CILP2: variants seen among roughly 807,000 people sequenced by gnomAD.
CILP2 encodes the protein cartilage intermediate layer protein 2.
CILP2 carries 38 observed loss-of-function variants against 45.6 expected under a neutral mutation model. The ratio of observed to expected loss-of-function variants is 0.83; its 90% CI spans 0.64 to 1.09. CILP2 has a LOEUF of 1.09. Ranked by LOEUF, CILP2 falls within the 50% of genes least tolerant of loss-of-function variation. CILP2 has a pLI of 0.00. For missense variants in CILP2, 1,735 were observed against 1,662.2 expected (o/e 1.04, Z -0.76); for synonymous variants, 780 against 723.5 (o/e 1.08, Z -1.25).
In CILP2 at chr19:19,540,429, G is replaced by T. The variant is rs774402520; in HGVS notation, c.389G>T (p.Arg130Leu). 1.3e-5 allele frequency: 19 copies of T among 1,482,616 alleles called. No homozygotes were observed. In the South Asian group the frequency reaches 2.4e-4, roughly 18 times the overall value. 91.8% of individuals were successfully genotyped at this position (1,482,616 alleles called of 1,614,324 possible). ...GFWCLNREQP[R>L]GRRCSNYHVR... Reference sequence around the variant, plus strand: ...TGGTGCCTCAACCGCGAGCAACCGCGTGGCCGCCGCTGCTCCAACTACCAC... The same window carrying T: ...TGGTGCCTCAACCGCGAGCAACCGCTTGGCCGCCGCTGCTCCAACTACCAC... The change falls in exon 3 of 8, where the codon CGT (arginine) becomes CTT (leucine). Residue 130 changes from arginine to leucine, a missense_variant. Physicochemically the swap from Arg to Leu is moderately radical, Grantham distance 102. Transcript: ENST00000291495.
rs1425994008 is a variant in CILP2 at position 19,541,233 on chromosome 19, G to A, written c.579G>A (p.Arg193=). Residue 193 remains arginine (R), a synonymous_variant, in exon 4 of 8, where the codon CGG becomes CGA. Transcript: ENST00000291495. ...CTCTGGAGGCGCAGAAGTGCGTGCG[G>A]CCTCGGTGTCCAGGTAGGAGGGGCG... The part of the protein sequence containing the change: ...GRPLEAQKCV[R]PRCPGCSLDT... The A allele has an allele frequency of 1.6e-6, 2 of 1,286,636 alleles. No homozygotes were observed. The highest frequency in any genetic ancestry group is 2.0e-6 in the Non-Finnish European group (2 of 1,015,604). 79.7% of individuals were successfully genotyped at this position (1,286,636 alleles called of 1,614,324 possible). A position where few individuals can be genotyped will look rare whatever the true frequency, so the allele number is the denominator to read the frequency against.
In CILP2 at chr19:19,543,267, C is replaced by A; in HGVS notation, c.997C>A (p.Leu333Met). 1 of 1,613,508 alleles carries A rather than the reference C, an allele frequency of 6.2e-7. No individual in the cohort carries two copies. Among genetic ancestry groups the A allele is most frequent in the South Asian group, 1.1e-5 (1 of 91,062 alleles). The change falls in exon 7 of 8, where the codon CTG becomes ATG. Residue 333 changes from leucine (L) to methionine (M), a missense_variant. Transcript: ENST00000291495. ...ATCCAGGTTCCACAATGGGACCCTG[C>A]TGGACAGGCGAGCTCATGGGTACGG... Reference protein sequence around the residue: ...KYSWFHNGTLLDRRAHGYGAH... With the variant: ...KYSWFHNGTLMDRRAHGYGAH...
At position 19,538,301 on chromosome 19, in the gene CILP2, C is replaced by G. The variant is rs1438661095; in HGVS notation, c.-49C>G. 1.3e-6 allele frequency: 2 copies of G among 1,526,144 alleles called. No individual in the cohort carries two copies. The highest frequency in any genetic ancestry group is 1.8e-6 in the Non-Finnish European group (2 of 1,138,590). The allele number at this position is 1,526,144 out of a possible 1,614,324, so 94.5% of individuals were successfully genotyped here. On this transcript the variant is annotated 5_prime_UTR_variant, in exon 1 of 8. Transcript: ENST00000291495. ...CCGCCAGACCCGCCGGAGTTGGACC[C>G]GAGCACGCCGCGGAGCCCGGACCCT...
Position 19,545,694 on chromosome 19 carries a change from C to G in CILP2, c.3149C>G (p.Ala1050Gly). Residue 1050 changes from alanine (A) to glycine (G), a missense_variant, in exon 8 of 8, where the codon GCC becomes GGC. By Grantham distance (60) the Ala-to-Gly change is moderately conservative. Coordinates refer to ENST00000291495, the MANE Select transcript of CILP2 (RefSeq NM_153221.2). ...AEDPAAFSML[A>G]PLDPLGHNYG... ...GACCCAGCTGCCTTCTCCATGCTGG[C>G]CCCCCTAGACCCTCTGGGCCACAAC... 2 of 1,611,844 alleles carry G rather than the reference C, an allele frequency of 1.2e-6. No individual in the cohort carries two copies. The highest frequency in any genetic ancestry group is 1.7e-6 in the Non-Finnish European group (2 of 1,179,174).
In CILP2 at chr19:19,540,336, G is replaced by T. The variant is rs1374359916; in HGVS notation, c.296G>T (p.Arg99Leu). 3.2e-6 allele frequency: 5 copies of T among 1,568,380 alleles called. No homozygotes were observed. Among genetic ancestry groups the T allele is most frequent in the Non-Finnish European group, 2.6e-6 (3 of 1,162,510 alleles). Residue 99 changes from arginine (R) to leucine (L), a missense_variant, in exon 3 of 8, where the codon CGC (arginine) becomes CTC (leucine). Arg to Leu is a moderately radical substitution (Grantham distance 102). Coordinates refer to ENST00000291495, the MANE Select transcript of CILP2 (RefSeq NM_153221.2). The stretch of plus-strand genomic sequence containing the variant: ...CCGCGACCGCTGGCGCTGGAAGCGC[G>T]CACCACGGACTGGGCCCTGCCGTCC... The part of the protein sequence containing the change: ...VCPRPLALEA[R>L]TTDWALPSAV...
At position 19,545,520 on chromosome 19, in the gene CILP2, A is replaced by G; in HGVS notation, c.2975A>G (p.Glu992Gly). 6.2e-7 allele frequency: 1 copy of G among 1,612,638 alleles called. No homozygotes were observed. The highest frequency in any genetic ancestry group is 1.6e-4 in the Middle Eastern group (1 of 6,062). ...CCGGGCACCTCGGCAGCCTGCGTGG[A>G]GTTCAAGTGCAGCGGGATGCTGTTC... Reference protein sequence around the residue: ...ERPGTSAACVEFKCSGMLFDQ... With the variant: ...ERPGTSAACVGFKCSGMLFDQ... The change falls in exon 8 of 8, where the codon GAG (glutamate) becomes GGG (glycine). Residue 992 changes from glutamate (E) to glycine (G), a missense_variant. Coordinates refer to ENST00000291495, the MANE Select transcript of CILP2 (RefSeq NM_153221.2).
intron 1 of CILP2, among the ~76,000 whole-genome samples, 154 bp from the exon 2 acceptor site, chr19:19,539,525 C>T (rs532900467): frequency 2.1e-5 from 3 of 144,918 alleles, no homozygotes; most frequent in Non-Finnish European, 4.5e-5. Flanking sequence ...GATCGTGCCA[C>T]TGCACTCCAG....
In CILP2 at chr19:19,544,328, G is replaced by T. The variant is rs147931006; in HGVS notation, c.1783G>T (p.Asp595Tyr). The T allele has an allele frequency of 6.2e-7, 1 of 1,612,236 alleles. No individual in the cohort carries two copies. The highest frequency in any genetic ancestry group is 8.5e-7 in the Non-Finnish European group (1 of 1,179,926). ...VLPSGAFRRA[D>Y]GKPYSGPVEA... is the part of the protein sequence containing the mutation. Reference sequence around the variant, plus strand: ...GCCTTCTGGCGCTTTCCGCAGAGCCGACGGCAAACCCTACTCGGGGCCTGT... The same window carrying T: ...GCCTTCTGGCGCTTTCCGCAGAGCCTACGGCAAACCCTACTCGGGGCCTGT... The change falls in exon 8 of 8, where the codon GAC becomes TAC. Residue 595 changes from aspartate to tyrosine, a missense_variant. Physicochemically the swap from Asp to Tyr is radical, Grantham distance 160. Transcript: ENST00000291495.
In CILP2 at chr19:19,540,280, C is replaced by T. The variant is rs778502590; in HGVS notation, c.240C>T (p.Ile80=). Residue 80 remains isoleucine, a synonymous_variant, in exon 3 of 8, where the codon ATC becomes ATT. Transcript: ENST00000291495. The stretch of plus-strand genomic sequence containing the variant: ...GCGACTTCGAGAGCCTGGCTGCCAT[C>T]CGCTTCTACTACGGGCCAGCGCGCG... ...GDGDFESLAA[I]RFYYGPARVC... is the part of the protein sequence containing the mutation. 6.2e-7 allele frequency: 1 copy of T among 1,600,046 alleles called. No individual in the cohort carries two copies. The highest frequency in any genetic ancestry group is 8.5e-7 in the Non-Finnish European group (1 of 1,176,346).
At position 19,544,573 on chromosome 19, in the gene CILP2, G is replaced by A. The variant is rs1286933951; in HGVS notation, c.2028G>A (p.Val676=). Residue 676 remains valine, a synonymous_variant, in exon 8 of 8, where the codon GTG becomes GTA. Transcript: ENST00000291495. ...GCCAGATCCACATGCCAGGCCACGT[G>A]GAGGCCCTCAAGCTGTGGTCGCTGA... ...AASQIHMPGH[V]EALKLWSLNP... The A allele has an allele frequency of 6.3e-7, 1 of 1,576,996 alleles. No homozygotes were observed. Among genetic ancestry groups the A allele is most frequent in the Non-Finnish European group, 8.6e-7 (1 of 1,167,586 alleles).
intron 3 of CILP2, 107 bp from the exon 4 acceptor site, chr19:19,540,984 C>A: frequency 9.6e-7 from 1 of 1,036,842 alleles, no homozygotes; most frequent in Non-Finnish European, 1.2e-6. Context: ...CCCTTGGATG[C>A]ACATATGTGA....
intron 6 of CILP2, 86 bp downstream of exon 6, chr19:19,543,058 G>T: frequency 1.9e-6 from 2 of 1,051,572 alleles, no homozygotes; most frequent in East Asian, 2.4e-5. Context: ...TTCCCATCTG[G>T]AGAGTGGGGA....
Position 19,544,086 on chromosome 19 carries a change from C to T in CILP2, c.1541C>T (p.Pro514Leu), listed in dbSNP as rs139539877. ...CAGGGCGACTTTACCATTGAGGTGC[C>T]GCCCTCCACCCAGCGGCTGGTGGTG... is the stretch of plus-strand genomic sequence containing the variant. ...AYQGDFTIEV[P>L]PSTQRLVVTF... The change falls in exon 8 of 8, where the codon CCG becomes CTG. Residue 514 changes from proline to leucine, a missense_variant. By Grantham distance (98) the Pro-to-Leu change is moderately conservative (BLOSUM62 -3). Coordinates refer to ENST00000291495, the MANE Select transcript of CILP2 (RefSeq NM_153221.2). 4.2e-4 allele frequency: 680 copies of T among 1,614,010 alleles called. No homozygotes were observed. The highest frequency in any genetic ancestry group is 2.0e-3 in the Middle Eastern group (12 of 6,062).
At chr19:19,540,675 G>T (rs972901618) in intron 3 of CILP2, 199 bp downstream of exon 3, 37 of 639,038 alleles carry the variant, frequency 5.8e-5, no homozygotes, top group Non-Finnish European at 8.3e-5. Flanking sequence ...GAAGAGAGGC[G>T]CTGGGAACAG....
At chr19:19,542,821 G>T in intron 5 of CILP2, 43 bp from the exon 6 acceptor site, 1 of 1,569,168 alleles carries the variant, frequency 6.4e-7, no homozygotes, top group Middle Eastern at 1.7e-4. Flanking sequence ...TCCTAGGAAG[G>T]GTGGGTGGGA....
rs545833646 is a variant in CILP2 at position 19,544,105 on chromosome 19, G to C, written c.1560G>C (p.Leu520=). ...TIEVPPSTQR[L]VVTFVDPSGE... ...AGGTGCCGCCCTCCACCCAGCGGCTGGTGGTGACTTTTGTGGACCCCAGCG... is the reference window on the plus strand; with the variant it reads ...AGGTGCCGCCCTCCACCCAGCGGCTCGTGGTGACTTTTGTGGACCCCAGCG... The change falls in exon 8 of 8, where the codon CTG becomes CTC. Residue 520 remains leucine (L), a synonymous_variant. Transcript: ENST00000291495. 9.9e-6 allele frequency: 16 copies of C among 1,613,976 alleles called. No homozygotes were observed. The South Asian group carries it at 1.3e-4, about 13-fold the overall frequency.
chr19:19,544,277 G>T lies in CILP2; in HGVS notation c.1732G>T (p.Glu578Ter). 1 of 1,613,464 alleles carries T rather than the reference G, an allele frequency of 6.2e-7. No individual in the cohort carries two copies. The highest frequency in any genetic ancestry group is 8.5e-7 in the Non-Finnish European group (1 of 1,179,990). The part of the protein sequence containing the change: ...NTIPLGELED[E>*]APLGELVLPS... ...GATCCCCCTGGGCGAGCTGGAAGAT[G>T]AGGCGCCCCTGGGCGAGCTGGTCCT... is the stretch of plus-strand genomic sequence containing the variant. Residue 578 changes from glutamate (E) to a stop codon, truncating the protein, a stop_gained, in exon 8 of 8, where the codon GAG becomes TAG. Transcript: ENST00000291495. LOFTEE classifies it low-confidence loss of function (END_TRUNC).
chr19:19,543,828 C>T lies in CILP2; in HGVS notation c.1283C>T (p.Pro428Leu). Residue 428 changes from proline (P) to leucine (L), a missense_variant, in exon 8 of 8, where the codon CCC (proline) becomes CTC (leucine). Pro to Leu is a moderately conservative substitution (Grantham distance 98, BLOSUM62 -3). Coordinates refer to ENST00000291495, the MANE Select transcript of CILP2 (RefSeq NM_153221.2). ...TGCCCCAGCCTGGCAGGCTCCAGCC[C>T]CCGCTGCGGGGACGCCAGCTCCCGC... ...TRCPSLAGSSPRCGDASSRCC... is the reference protein window; with the variant it reads ...TRCPSLAGSSLRCGDASSRCC... 1 of 1,613,810 alleles carries T rather than the reference C, an allele frequency of 6.2e-7. No homozygotes were observed. The highest frequency in any genetic ancestry group is 8.5e-7 in the Non-Finnish European group (1 of 1,179,896).
Position 19,545,678 on chromosome 19 carries a change from G to A in CILP2, c.3133G>A (p.Ala1045Thr). 1 of 1,611,762 alleles carries A rather than the reference G, an allele frequency of 6.2e-7. No homozygotes were observed. The highest frequency in any genetic ancestry group is 8.5e-7 in the Non-Finnish European group (1 of 1,179,198). ...PPPVPAEDPA[A>T]FSMLAPLDPL... Reference sequence around the variant, plus strand: ...ACCGGTGCCCGCGGAGGACCCAGCTGCCTTCTCCATGCTGGCCCCCCTAGA... The same window carrying A: ...ACCGGTGCCCGCGGAGGACCCAGCTACCTTCTCCATGCTGGCCCCCCTAGA... Residue 1045 changes from alanine (A) to threonine (T), a missense_variant, in exon 8 of 8, where the codon GCC becomes ACC. By Grantham distance (58) the Ala-to-Thr change is moderately conservative. Transcript: ENST00000291495.
Sources: allele counts gnomAD v4.1 joint callset (sites outside exome capture counted in the v4.1 genomes callset), GRCh38; gene constraint gnomAD v4.1.1; transcripts MANE v1.5; gene names NCBI Gene and HGNC (gene_info 2026-07-23, HGNC 2026-07-21).